The following TSPAN18 variants were observed in gnomAD, a reference collection of about 807,000 sequenced individuals.
TSPAN18 encodes tetraspanin 18.
Under a neutral mutation model 27.3 loss-of-function variants are expected in TSPAN18, and 14 were observed. The observed-to-expected ratio is 0.51, with a 90% CI of 0.34 to 0.80. TSPAN18 has a LOEUF of 0.80. TSPAN18 is among the 30% of genes least tolerant of loss of function. The pLI is 0.01. For missense variants in TSPAN18, 268 were observed against 323.9 expected, an observed-to-expected ratio of 0.83 and a Z score of 1.32; for synonymous variants, 143 against 136.5, an observed-to-expected ratio of 1.05 and a Z score of -0.33.
intron 2 of TSPAN18, among the ~76,000 whole-genome samples, chr11:44,802,279 G>A (rs1395708533): frequency 6.6e-6 from 1 of 151,618 alleles, no homozygotes; most frequent in Non-Finnish European, 1.5e-5. Context: ...CTCTGAGATG[G>A]GTTCTGGGAC....
rs115108627 is a variant in TSPAN18 at position 44,927,188 on chromosome 11, C to G, written c.699+431C>G. Among the ~76,000 whole-genome samples, 653 of 152,360 alleles carry G rather than the reference C, an allele frequency of 4.3e-3. 5 individuals carry two copies. The highest frequency in any genetic ancestry group is 0.015 in the African/African-American group (629 of 41,590). ...CCTACAGGGCCTTATTCATCCACAA[C>G]GGTGGCCTTAGCCTCCTTTATCTGA... On this transcript the variant is annotated intron_variant, in intron 9 of 9. Coordinates refer to ENST00000520358, the MANE Select transcript of TSPAN18 (RefSeq NM_130783.5).
intron 1 of TSPAN18, among the ~76,000 whole-genome samples, chr11:44,762,613 A>ATATGTG (rs1855478975): frequency 6.6e-6 from 1 of 151,712 alleles, no homozygotes; most frequent in Non-Finnish European, 1.5e-5. Context: ...ATATATACAC[A>ATATGTG]TATGTGTGTG....
intron 2 of TSPAN18, among the ~76,000 whole-genome samples, chr11:44,786,614 A>G (rs1856063450): frequency 7.7e-6 from 1 of 130,644 alleles, no homozygotes; most frequent in Non-Finnish European, 1.6e-5. Context: ...GCACAGGATT[A>G]TCCACTTACT....
chr11:44,732,657 T>C (rs954891936), intron 1 of TSPAN18, among the ~76,000 whole-genome samples: 3 of 152,124 alleles, frequency 2.0e-5, no homozygotes, highest in Non-Finnish European at 4.4e-5. Flanking sequence ...AAGAGTTTTT[T>C]GGGACATGGC....
At position 44,872,083 on chromosome 11, in the gene TSPAN18, C is replaced by T. The variant is rs182612304; in HGVS notation, c.-11+11614C>T. ...GGATTACAGGCACCCACCACCACCA[C>T]GCCTGGCTAATTTTTTTTTGTATTT... is the stretch of plus-strand genomic sequence containing the variant. On this transcript the variant is annotated intron_variant, in intron 3 of 9. Coordinates refer to ENST00000520358, the MANE Select transcript of TSPAN18 (RefSeq NM_130783.5). Among the ~76,000 whole-genome samples, 505 of 152,158 alleles carry T rather than the reference C, an allele frequency of 3.3e-3. 2 individuals carry two copies. The highest frequency in any genetic ancestry group is 0.011 in the African/African-American group (447 of 41,486).
At chr11:44,795,141 G>T (rs1482456624) in intron 2 of TSPAN18, among the ~76,000 whole-genome samples, 1 of 143,730 alleles carries the variant, frequency 7.0e-6, no homozygotes, top group Non-Finnish European at 1.5e-5. Context: ...CCTTATTGTG[G>T]CTGGCTCCTG....
intron 2 of TSPAN18, among the ~76,000 whole-genome samples, chr11:44,790,517 G>A (rs1292635582): frequency 7.3e-6 from 1 of 136,274 alleles, no homozygotes; most frequent in African/African-American, 2.8e-5. Context: ...GTGTGCATGT[G>A]TTTTTGGTGT....
rs1857228921 is a variant in TSPAN18 at position 44,834,701 on chromosome 11, C to A, written c.-152-25627C>A. Among the ~76,000 whole-genome samples the A allele has an allele frequency of 2.0e-5, 3 of 152,172 alleles. No homozygotes were observed. In the South Asian group the frequency reaches 6.2e-4, roughly 32 times the overall value. Reference sequence around the variant, plus strand: ...TGGTCATGTTGCTAAACTTCTCTGACCTCGATGTCTTTATCTGAAAAATGA... The same window carrying A: ...TGGTCATGTTGCTAAACTTCTCTGAACTCGATGTCTTTATCTGAAAAATGA... On this transcript the variant is annotated intron_variant, in intron 2 of 9. Transcript: ENST00000520358.
chr11:44,910,877 A>G (rs12799121), intron 5 of TSPAN18, among the ~76,000 whole-genome samples: 13,195 of 152,190 alleles, frequency 0.087, 683 homozygotes, highest in Admixed American at 0.12. Flanking sequence ...CCATCCCCTA[A>G]GGGTGTGCCT....
chr11:44,927,949 C>G (rs1860429284), intron 9 of TSPAN18, among the ~76,000 whole-genome samples: 1 of 152,188 alleles, frequency 6.6e-6, no homozygotes, highest in Non-Finnish European at 1.5e-5. Context: ...CTGCCTCACT[C>G]CCAGCCCAGC....
chr11:44,913,078 G>T (rs1367383461), intron 5 of TSPAN18, among the ~76,000 whole-genome samples: 1 of 152,212 alleles, frequency 6.6e-6, no homozygotes, highest in Non-Finnish European at 1.5e-5. Context: ...GGTTCCAACC[G>T]AAGAGGGCAT....
intron 1 of TSPAN18, among the ~76,000 whole-genome samples, chr11:44,739,679 A>G (rs1854883838): frequency 6.6e-6 from 1 of 152,252 alleles, no homozygotes; most frequent in African/African-American, 2.4e-5. Flanking sequence ...TTAGGAAAAA[A>G]TAAAGAGTAA....
At chr11:44,897,189 T>C (rs1401818385) in intron 3 of TSPAN18, among the ~76,000 whole-genome samples, 1 of 152,130 alleles carries the variant, frequency 6.6e-6, no homozygotes, top group Non-Finnish European at 1.5e-5. Flanking sequence ...ATGGGCCTGT[T>C]TTGACTTCTG....
At chr11:44,829,761 C>G (rs1857117319) in intron 2 of TSPAN18, among the ~76,000 whole-genome samples, 1 of 152,120 alleles carries the variant, frequency 6.6e-6, no homozygotes. Context: ...AGCTGCTAAA[C>G]TCTCTTCCAA....
chr11:44,863,981 C>T (rs1857964877), intron 3 of TSPAN18, among the ~76,000 whole-genome samples: 2 of 152,108 alleles, frequency 1.3e-5, no homozygotes, highest in Admixed American at 6.5e-5. Flanking sequence ...CCTGTTGGTC[C>T]ATGTCCCAAA....
At chr11:44,856,918 C>G (rs939960914) in intron 2 of TSPAN18, among the ~76,000 whole-genome samples, 4 of 148,642 alleles carry the variant, frequency 2.7e-5, no homozygotes, top group African/African-American at 9.8e-5. Flanking sequence ...AAACTGTTTT[C>G]CTCTCTTCTT....
At chr11:44,887,522 A>G (rs1858697143) in intron 3 of TSPAN18, among the ~76,000 whole-genome samples, 1 of 152,200 alleles carries the variant, frequency 6.6e-6, no homozygotes. Context: ...TTCAAAGGAG[A>G]TAATGTAAGA....
intron 1 of TSPAN18, among the ~76,000 whole-genome samples, chr11:44,760,442 T>A (rs533295934): frequency 2.8e-4 from 42 of 152,336 alleles, no homozygotes; most frequent in African/African-American, 9.6e-4. Context: ...CAAGAGTCTT[T>A]GATCTGGGTT....
chr11:44,757,206 C>T (rs975511378), intron 1 of TSPAN18, among the ~76,000 whole-genome samples: 4 of 152,244 alleles, frequency 2.6e-5, no homozygotes, highest in East Asian at 1.9e-4. Context: ...TTTACATTCC[C>T]ACCAACAGTG....
Sources: allele counts gnomAD v4.1 joint callset (sites outside exome capture counted in the v4.1 genomes callset), GRCh38; gene constraint gnomAD v4.1.1; transcripts MANE v1.5; gene names NCBI Gene and HGNC (gene_info 2026-07-23, HGNC 2026-07-21).